The following SORCS3 variants were observed in gnomAD, a reference collection of about 807,000 sequenced individuals.
SORCS3 encodes sortilin related VPS10 domain containing receptor 3.
SORCS3 carries 57 observed loss-of-function variants against 146.3 expected under a neutral mutation model. That is an observed-to-expected ratio of 0.39 (90% CI 0.31 to 0.49). SORCS3 has a LOEUF of 0.49. SORCS3 is among the 20% of genes least tolerant of loss of function. The pLI, the probability that SORCS3 is intolerant of heterozygous loss-of-function variation, is 0.92. For missense variants in SORCS3, 1,341 were observed against 1,575.5 expected, an observed-to-expected ratio of 0.85 and a Z score of 2.52; for synonymous variants, 653 against 618.5, an observed-to-expected ratio of 1.06 and a Z score of -0.83.
At chr10:105,097,212 A>G (rs546404426) in intron 6 of SORCS3, among the ~76,000 whole-genome samples, 1 of 152,330 alleles carries the variant, frequency 6.6e-6, no homozygotes, top group South Asian at 2.1e-4. Flanking sequence ...GCCTACTCCT[A>G]GTCTCCCTCT....
chr10:105,195,365 C>T (rs1432003201), intron 14 of SORCS3, among the ~76,000 whole-genome samples: 1 of 152,100 alleles, frequency 6.6e-6, no homozygotes, highest in Non-Finnish European at 1.5e-5. Flanking sequence ...TCAAGAGGAC[C>T]TTCTCAGTGT....
intron 2 of SORCS3, among the ~76,000 whole-genome samples, chr10:104,898,411 G>A (rs1008953423): frequency 6.6e-6 from 1 of 152,162 alleles, no homozygotes; most frequent in African/African-American, 2.4e-5. Flanking sequence ...GGTAGGTACG[G>A]TATGTTTCTG....
At chr10:104,788,542 T>A (rs1340906895) in intron 1 of SORCS3, among the ~76,000 whole-genome samples, 2 of 152,240 alleles carry the variant, frequency 1.3e-5, no homozygotes, top group Non-Finnish European at 2.9e-5. Flanking sequence ...TAATCCTGTT[T>A]GCCACTAAGG....
chr10:105,082,364 G>A (rs2055631550), intron 5 of SORCS3, among the ~76,000 whole-genome samples: 2 of 151,836 alleles, frequency 1.3e-5, no homozygotes, highest in South Asian at 2.1e-4. Context: ...GGGGAGCTGG[G>A]GGAAGAAGAC....
chr10:104,820,317 A>C (rs2017858314), intron 1 of SORCS3, among the ~76,000 whole-genome samples: 1 of 152,224 alleles, frequency 6.6e-6, no homozygotes, highest in South Asian at 2.1e-4. Flanking sequence ...GAGAAAATAG[A>C]TGTAAATATT....
At chr10:105,061,145 T>A (rs1458271170) in intron 5 of SORCS3, among the ~76,000 whole-genome samples, 1 of 152,140 alleles carries the variant, frequency 6.6e-6, no homozygotes, top group African/African-American at 2.4e-5. Context: ...AAATTCAGCA[T>A]AATATTTACA....
chr10:105,096,138 A>AC (rs1245855732), intron 6 of SORCS3, among the ~76,000 whole-genome samples: 1 of 133,138 alleles, frequency 7.5e-6, no homozygotes, highest in Non-Finnish European at 1.7e-5. Context: ...ACACAGACAC[A>AC]AACAAACAAG....
At chr10:105,037,824 C>G (rs1008931605) in intron 4 of SORCS3, among the ~76,000 whole-genome samples, 2 of 152,194 alleles carry the variant, frequency 1.3e-5, no homozygotes, top group African/African-American at 4.8e-5. Flanking sequence ...GCCTGTGACT[C>G]TCCTATGATC....
Position 105,048,749 on chromosome 10 carries a change from C to T in SORCS3, c.1028+5621C>T, listed in dbSNP as rs149662562. Reference sequence around the variant, plus strand: ...AGACTAAAAACCGTTTCAAGACAGTCTTTCCTTTCCAATCTTTCATGTTCT... The same window carrying T: ...AGACTAAAAACCGTTTCAAGACAGTTTTTCCTTTCCAATCTTTCATGTTCT... On this transcript the variant is annotated intron_variant, in intron 5 of 26. Coordinates refer to ENST00000369701, the MANE Select transcript of SORCS3 (RefSeq NM_014978.3). Among the ~76,000 whole-genome samples, 706 of 152,036 alleles carry T rather than the reference C, an allele frequency of 4.6e-3. 7 individuals are homozygous for T. The highest frequency in any genetic ancestry group is 0.016 in the African/African-American group (682 of 41,520).
intron 1 of SORCS3, among the ~76,000 whole-genome samples, chr10:104,678,710 A>G (rs1390817026): frequency 6.6e-6 from 1 of 152,222 alleles, no homozygotes; most frequent in Non-Finnish European, 1.5e-5. Context: ...TTGTTGCAAT[A>G]ATTGAATGAT....
chr10:105,162,440 T>A (rs891340449), intron 11 of SORCS3, among the ~76,000 whole-genome samples: 1 of 152,090 alleles, frequency 6.6e-6, no homozygotes, highest in Non-Finnish European at 1.5e-5. Context: ...GGCTCATTTT[T>A]CAAATCCTCC....
At chr10:105,085,284 C>T (rs1018632430) in intron 5 of SORCS3, among the ~76,000 whole-genome samples, 4 of 152,240 alleles carry the variant, frequency 2.6e-5, no homozygotes, top group Admixed American at 1.3e-4. Context: ...AGAAGGTGGG[C>T]GGCGGCTTCC....
At chr10:105,085,130 AG>A (rs1228174717) in intron 5 of SORCS3, among the ~76,000 whole-genome samples, 2 of 152,202 alleles carry the variant, frequency 1.3e-5, no homozygotes, top group Non-Finnish European at 2.9e-5. Context: ...ACTGTGTGAG[AG>A]TGTTACTGCA....
intron 4 of SORCS3, among the ~76,000 whole-genome samples, chr10:105,021,956 A>G (rs1056597605): frequency 6.6e-6 from 1 of 152,242 alleles, no homozygotes; most frequent in Non-Finnish European, 1.5e-5. Flanking sequence ...TGAAACTGCT[A>G]CATAATGTAT....
intron 4 of SORCS3, among the ~76,000 whole-genome samples, chr10:104,992,126 T>G (rs78376131): frequency 0.012 from 1,758 of 152,128 alleles, 27 homozygotes; most frequent in African/African-American, 0.04. Context: ...CCAGGAAAAT[T>G]GGCAGTAGGG....
At chr10:105,164,138 T>A (rs1379243435) in intron 11 of SORCS3, among the ~76,000 whole-genome samples, 165 bp from the exon 12 acceptor site, 2 of 152,124 alleles carry the variant, frequency 1.3e-5, no homozygotes, top group African/African-American at 4.8e-5. Context: ...CATATTGGGT[T>A]TTTCATCCTG....
intron 1 of SORCS3, among the ~76,000 whole-genome samples, chr10:104,811,886 T>A (rs948747930): frequency 6.6e-6 from 1 of 152,198 alleles, no homozygotes; most frequent in African/African-American, 2.4e-5. Context: ...ATCAATCTGG[T>A]CTCAATATAT....
At chr10:104,967,752 G>A (rs1404789) in intron 3 of SORCS3, among the ~76,000 whole-genome samples, 9,010 of 151,996 alleles carry the variant, frequency 0.059, 266 homozygotes, top group African/African-American at 0.074. Flanking sequence ...TCCACTGCCC[G>A]GGCTCAAGCC....
chr10:104,737,586 AGT>A (rs1364299272), intron 1 of SORCS3, among the ~76,000 whole-genome samples: 1 of 152,182 alleles, frequency 6.6e-6, no homozygotes, highest in African/African-American at 2.4e-5. Flanking sequence ...TCTTTTGAGA[AGT>A]GTCTGTTCAT....
Sources: allele counts gnomAD v4.1 joint callset (sites outside exome capture counted in the v4.1 genomes callset), GRCh38; gene constraint gnomAD v4.1.1; transcripts MANE v1.5; gene names NCBI Gene and HGNC (gene_info 2026-07-23, HGNC 2026-07-21).